RBFOX1: variants seen among roughly 807,000 people sequenced by gnomAD.
The protein encoded by RBFOX1 is RNA binding protein fox-1 homolog 1.
A neutral mutation model predicts 57.7 loss-of-function variants in RBFOX1; 8 were observed. The observed-to-expected ratio is 0.14, with a 90% CI of 0.08 to 0.25. The LOEUF is 0.25. Among genes scored for constraint, RBFOX1 ranks in the 10% least tolerant of loss-of-function variants. The pLI is 1.00. For missense variants in RBFOX1, 611 were observed against 548.5 expected, an observed-to-expected ratio of 1.11 and a Z score of -1.14; for synonymous variants, 326 against 222.4, an observed-to-expected ratio of 1.47 and a Z score of -4.15.
rs554626551 is a variant in RBFOX1, at chr16:7,197,548, A to C, written c.27+145450A>C. ...AAAAAAAGTTAAACATAAAATTACC[A>C]CATTACCAAGCAATTCCACTTGGAA... On this transcript the variant is annotated intron_variant, in intron 4 of 15. Transcript: ENST00000550418. Among the ~76,000 whole-genome samples, 50 of 152,118 alleles carry C rather than the reference A, an allele frequency of 3.3e-4. 1 individual carries two copies. The highest frequency in any genetic ancestry group is 6.5e-4 in the Non-Finnish European group (44 of 68,034).
At chr16:6,899,297 G>C (rs1487909899) in intron 3 of RBFOX1, among the ~76,000 whole-genome samples, 1 of 152,164 alleles carries the variant, frequency 6.6e-6, no homozygotes, top group African/African-American at 2.4e-5. Flanking sequence ...TAATACATAT[G>C]TGTATGCATG....
intron 2 of RBFOX1, among the ~76,000 whole-genome samples, chr16:6,623,902 CAT>C (rs1325757309): frequency 3.3e-5 from 5 of 152,142 alleles, no homozygotes; most frequent in Non-Finnish European, 7.3e-5. Flanking sequence ...CCGCAATAAA[CAT>C]GTGTGCATGT....
In RBFOX1 at chr16:6,313,177, C is replaced by G. The variant is rs910078045; in HGVS notation, c.-126-3818C>G. Among the ~76,000 whole-genome samples, 16 of 152,144 alleles carry G rather than the reference C, an allele frequency of 1.1e-4. No homozygotes were observed. In the East Asian group the frequency reaches 2.9e-3, roughly 28 times the overall value. On this transcript the variant is annotated intron_variant, in intron 1 of 15. Transcript: ENST00000550418. ...AAGTCCATGGTGCTGGTACCCGGGA[C>G]TGGGGGGAAGTGTGATCTCCTTACT...
At chr16:7,670,260 G>T (rs564000727) in intron 13 of RBFOX1, among the ~76,000 whole-genome samples, 1 of 152,254 alleles carries the variant, frequency 6.6e-6, no homozygotes, top group East Asian at 1.9e-4. Flanking sequence ...TCGAACTTCC[G>T]ACCTCAAGTG....
At chr16:7,662,737 G>A (rs1367762546) in intron 12 of RBFOX1, among the ~76,000 whole-genome samples, 1 of 152,182 alleles carries the variant, frequency 6.6e-6, no homozygotes, top group Non-Finnish European at 1.5e-5. Context: ...TCTCAAACAT[G>A]GTGACCTCGT....
intron 2 of RBFOX1, among the ~76,000 whole-genome samples, chr16:6,618,606 A>G (rs2098178034): frequency 6.6e-6 from 1 of 152,210 alleles, no homozygotes; most frequent in African/African-American, 2.4e-5. Context: ...AGAATACAGA[A>G]AGGTAAAATC....
At chr16:7,382,583 A>G (rs1445226914) in intron 4 of RBFOX1, among the ~76,000 whole-genome samples, 1 of 152,232 alleles carries the variant, frequency 6.6e-6, no homozygotes, top group Non-Finnish European at 1.5e-5. Flanking sequence ...GCCAGTGAAG[A>G]TACACATTTT....
At chr16:5,910,569 G>A (rs1373695708) in intron 4 of RBFOX1, among the ~76,000 whole-genome samples, 1 of 152,154 alleles carries the variant, frequency 6.6e-6, no homozygotes, top group Non-Finnish European at 1.5e-5. Flanking sequence ...GTGGAGGAAG[G>A]TGTGAGGGTT....
intron 1 of RBFOX1, among the ~76,000 whole-genome samples, chr16:6,125,021 C>A (rs1166698049): frequency 6.6e-6 from 1 of 152,068 alleles, no homozygotes; most frequent in East Asian, 1.9e-4. Flanking sequence ...CCCAGAGACT[C>A]CCCAAGGGGC....
chr16:7,202,722 G>C (rs2088902018), intron 4 of RBFOX1, among the ~76,000 whole-genome samples: 1 of 152,178 alleles, frequency 6.6e-6, no homozygotes, highest in Non-Finnish European at 1.5e-5. Context: ...GAGGGATCTA[G>C]GTTGTGCACT....
At chr16:7,478,166 T>A (rs1385082695) in intron 4 of RBFOX1, among the ~76,000 whole-genome samples, 1 of 152,202 alleles carries the variant, frequency 6.6e-6, no homozygotes, top group African/African-American at 2.4e-5. Flanking sequence ...TAAAAGAAAG[T>A]TTTTTGACAG....
rs1555635392 is a variant in RBFOX1, at chr16:6,636,813, A to ATT, written c.-63-17790_-63-17789insTT. ...ATAATATATGTTATATATAATATATAATATATAATATATGTTATATATAAT... is the reference window on the plus strand; with the variant it reads ...ATAATATATGTTATATATAATATATATTATATATAATATATGTTATATATAAT... On this transcript the variant is annotated intron_variant, in intron 2 of 15. Transcript: ENST00000550418. Among the ~76,000 whole-genome samples, 371 of 44,254 alleles carry ATT rather than the reference A, an allele frequency of 8.4e-3. 7 individuals are homozygous for ATT. Among genetic ancestry groups the ATT allele is most frequent in the Middle Eastern group, 0.024 (1 of 42 alleles). 29.0% of individuals were successfully genotyped at this position (44,254 alleles called of 152,430 possible).
intron 2 of RBFOX1, among the ~76,000 whole-genome samples, chr16:6,345,520 C>G (rs529665398): frequency 2.6e-5 from 4 of 152,276 alleles, no homozygotes; most frequent in South Asian, 2.1e-4. Flanking sequence ...AGCGAGTCCT[C>G]TATCCGACCT....
chr16:5,580,987 G>C (rs373563731), intron 2 of RBFOX1, among the ~76,000 whole-genome samples: 1 of 152,214 alleles, frequency 6.6e-6, no homozygotes, highest in South Asian at 2.1e-4. Flanking sequence ...CTCTTCAGGA[G>C]AGGCTGGGAT....
intron 1 of RBFOX1, among the ~76,000 whole-genome samples, chr16:5,341,309 G>T (rs1011267047): frequency 6.6e-6 from 1 of 152,176 alleles, no homozygotes. Flanking sequence ...GATTTATATT[G>T]AGTAATACTG....
intron 3 of RBFOX1, among the ~76,000 whole-genome samples, chr16:6,882,477 C>T (rs1332913082): frequency 6.6e-6 from 1 of 152,016 alleles, no homozygotes; most frequent in African/African-American, 2.4e-5. Flanking sequence ...GCTTGTAATC[C>T]CAGCTACTCC....
rs1185592748 is a variant in RBFOX1, at chr16:6,839,366, G to T, written c.-16+184716G>T. Among the ~76,000 whole-genome samples, 5 of 152,342 alleles carry T rather than the reference G, an allele frequency of 3.3e-5. No individual in the cohort carries two copies. In the East Asian group the frequency reaches 9.6e-4, roughly 29 times the overall value. On this transcript the variant is annotated intron_variant, in intron 3 of 15. Coordinates refer to ENST00000550418, the MANE Select transcript of RBFOX1 (RefSeq NM_018723.4). ...TAACCCCACTGACTCCATCTGGGCA[G>T]AAAGGCTGAGGTTAGGTTGTCAGCT...
chr16:6,407,569 C>CAGAGAGAGAG (rs71145224), intron 2 of RBFOX1, among the ~76,000 whole-genome samples: 6 of 25,914 alleles, frequency 2.3e-4, no homozygotes, highest in African/African-American at 1.5e-3. Context: ...GTGTGTGTGA[C>CAGAGAGAGAG]AGAGAGAGAG....
At chr16:6,605,441 T>G (rs1567851836) in intron 2 of RBFOX1, among the ~76,000 whole-genome samples, 1 of 152,166 alleles carries the variant, frequency 6.6e-6, no homozygotes, top group Non-Finnish European at 1.5e-5. Context: ...GATCTTATAT[T>G]GTGGCAATAT....
Sources: allele counts gnomAD v4.1 joint callset (sites outside exome capture counted in the v4.1 genomes callset), GRCh38; gene constraint gnomAD v4.1.1; transcripts MANE v1.5; gene names NCBI Gene and HGNC (gene_info 2026-07-23, HGNC 2026-07-21).